WNK3: variants seen among roughly 807,000 people sequenced by gnomAD.
WNK3 encodes serine/threonine-protein kinase WNK3.
A neutral mutation model predicts 116.7 loss-of-function variants in WNK3; 18 were observed. The ratio of observed to expected loss-of-function variants is 0.15; its 90% CI spans 0.11 to 0.23. The LOEUF (loss-of-function observed/expected upper bound fraction) is 0.23, where lower values mean the gene tolerates loss of function less well. Among genes scored for constraint, WNK3 ranks in the 10% least tolerant of loss-of-function variants. WNK3 has a pLI of 1.00. For missense variants in WNK3, 993 were observed against 1,323.8 expected (o/e 0.75, Z 3.88); for synonymous variants, 404 against 469.4 (o/e 0.86, Z 1.80).
At position 54,205,272 on chromosome X, in the gene WNK3, CAAA is replaced by C. The variant is rs782409030; in HGVS notation, c.4871-3082_4871-3080del. Among the ~76,000 whole-genome samples the C allele has an allele frequency of 9.1e-3, 600 of 65,708 alleles. 2 individuals carry two copies. Among genetic ancestry groups the C allele is most frequent in the African/African-American group, 0.031 (209 of 6,691 alleles). The allele number at this position is 65,708 out of a possible 115,157, so 57.1% of individuals were successfully genotyped here. ...CCAACCAACCAACCAACCAACCAAA[CAAA>C]CAAACAACAAAAAAAAGAACATTTC... On this transcript the variant is annotated intron_variant, in intron 22 of 23. Coordinates refer to ENST00000354646, the Ensembl canonical transcript of WNK3.
intron 2 of WNK3, among the ~76,000 whole-genome samples, chrX:54,315,640 T>C (rs782754105): frequency 3.6e-5 from 4 of 112,100 alleles, no homozygotes; most frequent in East Asian, 2.8e-4. Flanking sequence ...GAAAGGTGCA[T>C]GTAAGATTCT....
At chrX:54,347,288 C>G (rs1410815272) in intron 1 of WNK3, among the ~76,000 whole-genome samples, 1 of 111,847 alleles carries the variant, frequency 8.9e-6, no homozygotes, top group Non-Finnish European at 1.9e-5. Flanking sequence ...GAGTTCGACA[C>G]CAGCCTGACC....
chrX:54,226,469 CA>C (rs782422874), intron 22 of WNK3, among the ~76,000 whole-genome samples: 83 of 19,896 alleles, frequency 4.2e-3, no homozygotes, highest in African/African-American at 0.01. Context: ...GACTCTGTCT[CA>C]AAAAAAAAAA....
intron 6 of WNK3, among the ~76,000 whole-genome samples, chrX:54,300,499 T>C (rs781814543): frequency 8.9e-6 from 1 of 111,965 alleles, no homozygotes; most frequent in Admixed American, 9.6e-5. Flanking sequence ...TTGTTTTATG[T>C]AATTACTAAC....
At chrX:54,259,954 A>T (rs782563700) in intron 10 of WNK3, among the ~76,000 whole-genome samples, 22 of 112,018 alleles carry the variant, frequency 2.0e-4, no homozygotes, top group South Asian at 1.1e-3. Context: ...AAATCTAACA[A>T]AACTGATAAT....
chrX:54,239,790 G>A (rs1195064659), intron 17 of WNK3, among the ~76,000 whole-genome samples: 1 of 111,489 alleles, frequency 9.0e-6, no homozygotes, highest in Non-Finnish European at 1.9e-5. Flanking sequence ...AGATATAACT[G>A]TTGTATCTAA....
At chrX:54,334,933 A>G (rs1557175103) in intron 1 of WNK3, among the ~76,000 whole-genome samples, 1 of 111,637 alleles carries the variant, frequency 9.0e-6, no homozygotes, top group Non-Finnish European at 1.9e-5. Context: ...TGTTTAATTA[A>G]GTATCTCAAA....
At chrX:54,219,456 G>C (rs1399219058) in intron 22 of WNK3, among the ~76,000 whole-genome samples, 1 of 109,526 alleles carries the variant, frequency 9.1e-6, no homozygotes, top group African/African-American at 3.3e-5. Context: ...GAAGCAGGCA[G>C]ATCACTTGAG....
intron 17 of WNK3, among the ~76,000 whole-genome samples, chrX:54,247,073 G>C (rs1200471501): frequency 9.0e-6 from 1 of 111,530 alleles, no homozygotes; most frequent in Non-Finnish European, 1.9e-5. Flanking sequence ...TACCAAATAG[G>C]ATACTCATGC....
chrX:54,333,482 T>C, exon 2 of WNK3: 1 of 1,211,337 alleles, frequency 8.3e-7, no homozygotes, highest in Non-Finnish European at 1.1e-6. Flanking sequence ...CTTCCGTCAT[T>C]TCAACACTCT....
intron 1 of WNK3, among the ~76,000 whole-genome samples, chrX:54,338,604 A>C (rs2069275622): frequency 9.2e-6 from 1 of 109,217 alleles, no homozygotes; most frequent in African/African-American, 3.3e-5. Flanking sequence ...AAAATAAAAA[A>C]CAAAATAAAA....
intron 1 of WNK3, among the ~76,000 whole-genome samples, chrX:54,335,890 G>T (rs782451613): frequency 6.2e-4 from 69 of 111,941 alleles, no homozygotes; most frequent in African/African-American, 2.1e-3. Context: ...TACTACAAAG[G>T]TACAGTATTA....
chrX:54,349,339 AAAACAAAC>A (rs371205980), intron 1 of WNK3, among the ~76,000 whole-genome samples: 1 of 112,051 alleles, frequency 8.9e-6, no homozygotes, highest in Non-Finnish European at 1.9e-5. Context: ...CTCCATCTCA[AAAACAAAC>A]AAACAAACAA....
intron 16 of WNK3, 96 bp downstream of exon 16, chrX:54,249,898 G>A (rs1204162264): frequency 2.7e-5 from 27 of 1,006,140 alleles, no homozygotes; most frequent in Non-Finnish European, 3.5e-5. Context: ...ATTCTCATAA[G>A]CATAAAATTC....
At chrX:54,239,180 T>G (rs2067996596) in intron 17 of WNK3, 81 bp from the exon 18 acceptor site, 1 of 655,289 alleles carries the variant, frequency 1.5e-6, no homozygotes, top group African/African-American at 2.4e-5. Flanking sequence ...AAAGTGGTAA[T>G]AATTTAGGTA....
intron 2 of WNK3, among the ~76,000 whole-genome samples, chrX:54,322,110 G>A (rs1405988265): frequency 9.0e-6 from 1 of 111,451 alleles, no homozygotes; most frequent in Non-Finnish European, 1.9e-5. Context: ...GATCAAAGAT[G>A]TCCTCATCCA....
chrX:54,215,959 C>T (rs1482588366), intron 22 of WNK3, among the ~76,000 whole-genome samples: 1 of 111,402 alleles, frequency 9.0e-6, no homozygotes, highest in Non-Finnish European at 1.9e-5. Context: ...CCTTGGGATG[C>T]TGTTAATCTA....
At chrX:54,337,351 G>A (rs959451338) in intron 1 of WNK3, among the ~76,000 whole-genome samples, 18 of 109,850 alleles carry the variant, frequency 1.6e-4, no homozygotes, top group African/African-American at 5.0e-4. Flanking sequence ...CATGAGGTCA[G>A]GAGTTCCAAG....
intron 10 of WNK3, among the ~76,000 whole-genome samples, chrX:54,287,165 T>C (rs1247166281): frequency 3.6e-5 from 4 of 111,577 alleles, no homozygotes; most frequent in Non-Finnish European, 7.5e-5. Flanking sequence ...GGTGTGAAGA[T>C]GTACATGTAA....
Sources: gnomAD v4.1 joint callset for allele counts (sites outside exome capture counted in the v4.1 genomes callset) on GRCh38, gnomAD v4.1.1 for gene constraint, MANE v1.5 for transcripts, NCBI Gene and HGNC (gene_info 2026-07-23, HGNC 2026-07-21) for gene names.